Variants in ASAP1 observed in about 807,000 individuals in gnomAD.
ASAP1 encodes the protein ArfGAP with SH3 domain, ankyrin repeat and PH domain 1.
Under a neutral mutation model 145.2 loss-of-function variants are expected in ASAP1, and 43 were observed. The ratio of observed to expected loss-of-function variants is 0.30; its 90% confidence interval spans 0.23 to 0.38. ASAP1 has a LOEUF of 0.38. Among genes scored for constraint, ASAP1 ranks in the 10% least tolerant of loss-of-function variants. The pLI is 1.00. For synonymous variants in ASAP1, 546 were observed against 515.5 expected (o/e 1.06, Z -0.80); for missense variants, 1,018 against 1,355.3 (o/e 0.75, Z 3.91).
intron 9 of ASAP1, among the ~76,000 whole-genome samples, chr8:130,178,794 CAGA>C (rs1421983708): frequency 6.6e-6 from 1 of 151,730 alleles, no homozygotes; most frequent in Non-Finnish European, 1.5e-5. Context: ...GAGGCTGAGG[CAGA>C]AGAATTGCCT....
At position 130,108,757 on chromosome 8, in the gene ASAP1, G is replaced by GTTTTTTTT. The variant is rs10568607; in HGVS notation, c.2401+3329_2401+3336dup. ...TAATCTTGGCAAGCCTCAAAAACCA[G>GTTTTTTTT]TTTTTTTTTTTTTTTTTTTTTTTTT... On this transcript the variant is annotated intron_variant, in intron 24 of 29. Coordinates refer to ENST00000518721, the MANE Select transcript of ASAP1 (RefSeq NM_018482.4). Among the ~76,000 whole-genome samples, 63 of 51,562 alleles carry GTTTTTTTT rather than the reference G, an allele frequency of 1.2e-3. 3 individuals carry two copies. Among genetic ancestry groups the GTTTTTTTT allele is most frequent in the African/African-American group, 1.8e-3 (22 of 12,038 alleles). 33.8% of individuals were successfully genotyped at this position (51,562 alleles called of 152,430 possible). A position where few individuals can be genotyped will look rare whatever the true frequency, so the allele number is the denominator to read the frequency against.
intron 24 of ASAP1, among the ~76,000 whole-genome samples, chr8:130,107,420 C>T (rs538741480): frequency 6.6e-6 from 1 of 151,336 alleles, no homozygotes; most frequent in Non-Finnish European, 1.5e-5. Flanking sequence ...CTCCTGACCT[C>T]GTGATCCGCC....
intron 13 of ASAP1, among the ~76,000 whole-genome samples, chr8:130,142,204 C>T (rs966950292): frequency 6.6e-6 from 1 of 152,148 alleles, no homozygotes; most frequent in African/African-American, 2.4e-5. Flanking sequence ...TCAGAGCCCC[C>T]ACTCCTTCTC....
In ASAP1 at chr8:130,126,033, T is replaced by C. The variant is rs2097574417; in HGVS notation, c.1438A>G (p.Ile480Val). ...ATATGAACCCCCATTTCCCTATGGA[T>C]GCCAGAACATTCTATACAGGTCAAA... Reference protein sequence around the residue: ...GILTCIECSGIHREMGVHISR... With the variant: ...GILTCIECSGVHREMGVHISR... The change falls in exon 17 of 30, where the codon ATC becomes GTC. Residue 480 changes from isoleucine (I) to valine (V), a missense_variant. By Grantham distance (29) the Ile-to-Val change is conservative. This residue lies in a region of ASAP1 where 153 missense variants were observed against 221.6 expected (regional missense o/e 0.69). Transcript: ENST00000518721. 1 of 1,614,076 alleles carries C rather than the reference T, an allele frequency of 6.2e-7. No individual in the cohort carries two copies. Among genetic ancestry groups the C allele is most frequent in the Non-Finnish European group, 8.5e-7 (1 of 1,179,976 alleles).
chr8:130,072,751 CCAGT>C (rs1222600294), intron 27 of ASAP1, among the ~76,000 whole-genome samples: 1 of 143,554 alleles, frequency 7.0e-6, no homozygotes, highest in Admixed American at 7.1e-5. Context: ...CACCTTGTAG[CCAGT>C]CAGTCAGAAG....
chr8:130,283,587 G>GAAAAAAAAAAAAAAAAAAAAAAAAAAA (rs71304303), intron 3 of ASAP1, among the ~76,000 whole-genome samples: 1 of 20,852 alleles, frequency 4.8e-5, no homozygotes, highest in African/African-American at 1.7e-4. Context: ...ATCACAGAAA[G>GAAAAAAAAAAAAAAAAAAAAAAAAAAA]AAAAAAAAAA....
intron 2 of ASAP1, among the ~76,000 whole-genome samples, chr8:130,374,697 T>G (rs945626676): frequency 6.6e-6 from 1 of 152,224 alleles, no homozygotes; most frequent in Non-Finnish European, 1.5e-5. Context: ...GATGTTAAAG[T>G]TGCGCTGAGC....
chr8:130,330,878 T>G (rs1426235432), intron 3 of ASAP1, among the ~76,000 whole-genome samples: 1 of 152,206 alleles, frequency 6.6e-6, no homozygotes, highest in Non-Finnish European at 1.5e-5. Context: ...CTGAACCCAA[T>G]TCTACGATTC....
At position 130,262,432 on chromosome 8, in the gene ASAP1, G is replaced by A. The variant is rs1468193368; in HGVS notation, c.187-25438C>T. ...AAAAAAAAAAAGAGAGAGAGAGAGA[G>A]AGAGAGAGAGAGAGAGAGAGAGAGA... On this transcript the variant is annotated intron_variant, in intron 3 of 29. Coordinates refer to ENST00000518721, the MANE Select transcript of ASAP1 (RefSeq NM_018482.4). 6.1e-3 allele frequency among the ~76,000 whole-genome samples: 801 copies of A among 130,352 alleles called. 6 individuals carry two copies. The highest frequency in any genetic ancestry group is 8.4e-3 in the African/African-American group (279 of 33,312). 85.5% of individuals were successfully genotyped at this position (130,352 alleles called of 152,430 possible). A position where few individuals can be genotyped will look rare whatever the true frequency, so the allele number is the denominator to read the frequency against.
chr8:130,372,903 C>CA (rs1414016255), intron 2 of ASAP1, among the ~76,000 whole-genome samples: 7 of 152,102 alleles, frequency 4.6e-5, no homozygotes, highest in Non-Finnish European at 1.5e-5. Flanking sequence ...GACACATACA[C>CA]AGACATATAG....
intron 5 of ASAP1, among the ~76,000 whole-genome samples, chr8:130,210,030 C>T (rs1816482408): frequency 6.6e-6 from 1 of 152,114 alleles, no homozygotes; most frequent in Non-Finnish European, 1.5e-5. Context: ...CAGATTCACA[C>T]CGTTAATAAC....
intron 3 of ASAP1, among the ~76,000 whole-genome samples, chr8:130,240,145 C>T (rs1291287518): frequency 6.6e-6 from 1 of 152,048 alleles, no homozygotes; most frequent in Non-Finnish European, 1.5e-5. Flanking sequence ...TACCTACTTC[C>T]TTTTGTGGGG....
At chr8:130,357,965 C>A in intron 3 of ASAP1, 52 bp downstream of exon 3, 1 of 1,555,700 alleles carries the variant, frequency 6.4e-7, no homozygotes, top group Non-Finnish European at 8.7e-7. Context: ...GATCCTCCAG[C>A]TGCGCGGCGG....
intron 24 of ASAP1, among the ~76,000 whole-genome samples, chr8:130,107,518 GTA>G (rs1437754974): frequency 7.5e-5 from 2 of 26,670 alleles, no homozygotes; most frequent in African/African-American, 4.2e-4. Context: ...TTTAAAAAAT[GTA>G]TGTATGTATG....
chr8:130,304,650 AT>A (rs1271924060), intron 3 of ASAP1, among the ~76,000 whole-genome samples: 19 of 152,172 alleles, frequency 1.2e-4, no homozygotes, highest in African/African-American at 4.6e-4. Flanking sequence ...CAAATGTGTG[AT>A]GTTTTCAATT....
At chr8:130,101,550 G>T (rs1357120108) in intron 24 of ASAP1, among the ~76,000 whole-genome samples, 1 of 151,484 alleles carries the variant, frequency 6.6e-6, no homozygotes, top group African/African-American at 2.4e-5. Context: ...GGTAGCTATC[G>T]TAAAAGGGAT....
intron 3 of ASAP1, among the ~76,000 whole-genome samples, chr8:130,242,592 C>T (rs1818606567): frequency 1.3e-5 from 2 of 152,034 alleles, no homozygotes; most frequent in South Asian, 4.1e-4. Context: ...TTAACACTTG[C>T]ATAAGAGGAT....
intron 15 of ASAP1, among the ~76,000 whole-genome samples, chr8:130,129,441 C>T (rs1393145829): frequency 6.6e-6 from 1 of 152,098 alleles, no homozygotes; most frequent in Non-Finnish European, 1.5e-5. Context: ...TTTTTCAAAA[C>T]TATAATGAAC....
intron 5 of ASAP1, among the ~76,000 whole-genome samples, chr8:130,210,156 T>C (rs1045022015): frequency 6.6e-6 from 1 of 152,174 alleles, no homozygotes; most frequent in Middle Eastern, 3.2e-3. Flanking sequence ...TTATTTCCCA[T>C]CTACCTCAAC....
Sources: allele counts gnomAD v4.1 joint callset (sites outside exome capture counted in the v4.1 genomes callset), GRCh38; gene constraint gnomAD v4.1.1; regional missense constraint gnomAD v4.1.1; transcripts MANE v1.5; gene names NCBI Gene and HGNC (gene_info 2026-07-23, HGNC 2026-07-21).